ARID4A: variants seen among roughly 807,000 people sequenced by gnomAD.
ARID4A encodes the protein AT-rich interaction domain 4A.
ARID4A carries 39 observed loss-of-function variants against 148.6 expected under a neutral mutation model. That is an observed-to-expected ratio of 0.26 (90% CI 0.20 to 0.34). The LOEUF (loss-of-function observed/expected upper bound fraction) is 0.34. Among genes scored for constraint, ARID4A ranks in the 10% least tolerant of loss-of-function variants. ARID4A has a pLI of 1.00. For missense variants in ARID4A, 1,265 were observed against 1,449.1 expected, an observed-to-expected ratio of 0.87 and a Z score of 2.06; for synonymous variants, 475 against 481.2, an observed-to-expected ratio of 0.99 and a Z score of 0.17.
At chr14:58,365,343 A>G in intron 20 of ARID4A, 43 bp downstream of exon 20, 4 of 1,550,542 alleles carry the variant, frequency 2.6e-6, no homozygotes, top group Non-Finnish European at 3.5e-6. Flanking sequence ...TATGAAACCA[A>G]AAATCAAAAC....
intron 5 of ARID4A, among the ~76,000 whole-genome samples, chr14:58,317,171 G>A (rs1163861032): frequency 6.9e-6 from 1 of 145,584 alleles, no homozygotes; most frequent in African/African-American, 2.5e-5. Context: ...CCAGCCTGGG[G>A]GACAGAGTGA....
intron 11 of ARID4A, among the ~76,000 whole-genome samples, chr14:58,340,323 G>A (rs1244835353): frequency 1.6e-5 from 2 of 122,024 alleles, no homozygotes. Flanking sequence ...ACGCCAGCAT[G>A]CCCAGCTAAT....
chr14:58,306,488 A>G (rs1370961026), intron 5 of ARID4A, among the ~76,000 whole-genome samples: 1 of 152,238 alleles, frequency 6.6e-6, no homozygotes, highest in Non-Finnish European at 1.5e-5. Flanking sequence ...TTGCCAGACA[A>G]TTTACAGATT....
rs1018674801 is a variant in ARID4A at position 58,301,599 on chromosome 14, A to G, written c.26A>G (p.Tyr9Cys). The G allele has an allele frequency of 1.9e-6, 3 of 1,614,050 alleles. No homozygotes were observed. The highest frequency in any genetic ancestry group is 1.3e-5 in the African/African-American group (1 of 75,060). ...CACCAGGCGGCAGATGAGCCTGCCT[A>G]CCTGACAGTGGGAACCGATGTCAGT... MKAADEPA[Y>C]LTVGTDVSAK... Residue 9 changes from tyrosine (Y) to cysteine (C), a missense_variant, in exon 3 of 24, where the codon TAC (tyrosine) becomes TGC (cysteine). Transcript: ENST00000355431.
At chr14:58,329,937 A>G (rs950983129) in intron 10 of ARID4A, 66 bp from the exon 11 acceptor site, 1 of 1,530,852 alleles carries the variant, frequency 6.5e-7, no homozygotes, top group Non-Finnish European at 8.7e-7. Context: ...TCTGAATGCC[A>G]TGCCTTTTCT....
chr14:58,348,450 AGAT>A (rs1379443646), intron 15 of ARID4A, among the ~76,000 whole-genome samples: 1 of 152,198 alleles, frequency 6.6e-6, no homozygotes. Flanking sequence ...GCCCTAAACT[AGAT>A]GATATCTTGT....
chr14:58,341,181 A>G (rs1404299044), intron 11 of ARID4A, among the ~76,000 whole-genome samples: 2 of 152,204 alleles, frequency 1.3e-5, no homozygotes, highest in Non-Finnish European at 1.5e-5. Flanking sequence ...GACTGTTATA[A>G]TGGCTTCCTT....
chr14:58,336,600 T>G (rs1302926882), intron 11 of ARID4A, among the ~76,000 whole-genome samples: 2 of 152,178 alleles, frequency 1.3e-5, no homozygotes, highest in Non-Finnish European at 2.9e-5. Flanking sequence ...TACATCAAGA[T>G]GTACCTTTCA....
At chr14:58,350,470 TA>T (rs1297193475) in intron 15 of ARID4A, among the ~76,000 whole-genome samples, 3 of 152,188 alleles carry the variant, frequency 2.0e-5, no homozygotes, top group East Asian at 3.8e-4. Context: ...AGATAGAAGC[TA>T]GTGGTGGTAA....
chr14:58,326,368 C>T (rs935268399), intron 8 of ARID4A, among the ~76,000 whole-genome samples: 1 of 152,090 alleles, frequency 6.6e-6, no homozygotes, highest in Non-Finnish European at 1.5e-5. Flanking sequence ...ACCCGGAAGG[C>T]GGAACTTGCG....
At chr14:58,323,408 A>G in intron 7 of ARID4A, 77 bp from the exon 8 acceptor site, 8 of 1,501,216 alleles carry the variant, frequency 5.3e-6, no homozygotes, top group South Asian at 1.2e-5. Context: ...AATTGAATTG[A>G]CTATATTAAA....
rs78751371 is a variant in ARID4A, at chr14:58,364,752, A to T, written c.2663A>T (p.Asp888Val). The T allele has an allele frequency of 1.5e-5, 24 of 1,614,020 alleles. No homozygotes were observed. The East Asian group carries it at 2.5e-4, about 16-fold the overall frequency. The change falls in exon 20 of 24, where the codon GAT (aspartate) becomes GTT (valine). Residue 888 changes from aspartate to valine, a missense_variant. This residue lies in a region of ARID4A where 666 missense variants were observed against 730.9 expected (regional missense o/e 0.91). Coordinates refer to ENST00000355431, the MANE Select transcript of ARID4A (RefSeq NM_002892.4). Reference sequence around the variant, plus strand: ...ACTGTATCTCAAGAAAGGACCAGTGATTGTATTGGATCTGAGGGAATGAAA... The same window carrying T: ...ACTGTATCTCAAGAAAGGACCAGTGTTTGTATTGGATCTGAGGGAATGAAA... ...TNTVSQERTS[D>V]CIGSEGMKNL...
intron 14 of ARID4A, 152 bp downstream of exon 14, chr14:58,347,269 T>G (rs2034420343): frequency 2.1e-6 from 1 of 484,658 alleles, no homozygotes; most frequent in South Asian, 4.5e-5. Context: ...GATTGAAAGT[T>G]ATTTCAGCGC....
At chr14:58,303,652 C>T (rs2031374794) in intron 3 of ARID4A, 1 of 425,334 alleles carries the variant, frequency 2.4e-6, no homozygotes, top group East Asian at 7.3e-5. Flanking sequence ...TGAACTAGAG[C>T]AGTGATTCCT....
At chr14:58,306,344 G>C (rs1280783235) in intron 5 of ARID4A, among the ~76,000 whole-genome samples, 1 of 152,102 alleles carries the variant, frequency 6.6e-6, no homozygotes, top group Non-Finnish European at 1.5e-5. Flanking sequence ...TTCTATTTTA[G>C]GTTACTTTGA....
At chr14:58,369,128 T>C (rs928818232) in intron 23 of ARID4A, among the ~76,000 whole-genome samples, 3 of 152,078 alleles carry the variant, frequency 2.0e-5, no homozygotes, top group African/African-American at 7.2e-5. Flanking sequence ...AAGAGAAATA[T>C]GGAATCTGGC....
At position 58,347,741 on chromosome 14, in the gene ARID4A, G is replaced by A. The variant is rs201870686; in HGVS notation, c.1267G>A (p.Asp423Asn). The change falls in exon 15 of 24, where the codon GAC becomes AAC. Residue 423 changes from aspartate to asparagine, a missense_variant. By Grantham distance (23) the Asp-to-Asn change is conservative. Transcript: ENST00000355431. ...ACCAAAAGTAAAAGAGGAAAAAAAA[G>A]ACTTAGAAGAATCAATGGAAGAGGC... ...HEPKVKEEKK[D>N]LEESMEEALK... 3 of 1,613,642 alleles carry A rather than the reference G, an allele frequency of 1.9e-6. No individual in the cohort carries two copies. Among genetic ancestry groups the A allele is most frequent in the East Asian group, 4.5e-5 (2 of 44,826 alleles).
chr14:58,331,757 T>C (rs2033532066), intron 11 of ARID4A, among the ~76,000 whole-genome samples: 1 of 152,210 alleles, frequency 6.6e-6, no homozygotes, highest in Non-Finnish European at 1.5e-5. Flanking sequence ...AAATTCAGGA[T>C]TTAAAGTCAG....
chr14:58,301,400 A>G (rs1264953339), intron 2 of ARID4A, among the ~76,000 whole-genome samples, 180 bp from the exon 3 acceptor site: 3 of 152,244 alleles, frequency 2.0e-5, no homozygotes, highest in African/African-American at 4.8e-5. Flanking sequence ...TCAGGACATC[A>G]GTCTATAAAA....
Sources: allele counts gnomAD v4.1 joint callset (sites outside exome capture counted in the v4.1 genomes callset), GRCh38; gene constraint gnomAD v4.1.1; regional missense constraint gnomAD v4.1.1; transcripts MANE v1.5; gene names NCBI Gene and HGNC (gene_info 2026-07-23, HGNC 2026-07-21).